AKAP13: variants seen among roughly 807,000 people sequenced by gnomAD.
AKAP13 encodes A-kinase anchoring protein 13.
In AKAP13, 80 loss-of-function variants were observed where a neutral mutation model predicts 264.5. The observed-to-expected ratio is 0.30, with a 90% CI of 0.25 to 0.36. The LOEUF (loss-of-function observed/expected upper bound fraction) is 0.36, where lower values mean the gene tolerates loss of function less well. Among genes scored for constraint, AKAP13 ranks in the 10% least tolerant of loss-of-function variants. AKAP13 has a pLI of 1.00. For missense variants in AKAP13, 3,712 were observed against 3,435.2 expected (o/e 1.08, Z -2.01); for synonymous variants, 1,380 against 1,250.2 (o/e 1.10, Z -2.19).
At chr15:85,658,212 C>A (rs2083187207) in intron 11 of AKAP13, among the ~76,000 whole-genome samples, 3 of 152,060 alleles carry the variant, frequency 2.0e-5, no homozygotes. Context: ...GTAGTATAAC[C>A]TGAATTTTAA....
intron 5 of AKAP13, among the ~76,000 whole-genome samples, chr15:85,561,216 C>T (rs1052977957): frequency 6.6e-6 from 1 of 152,116 alleles, no homozygotes; most frequent in Non-Finnish European, 1.5e-5. Flanking sequence ...CGCCACCACA[C>T]CTGGCTAATT....
chr15:85,393,870 T>C (rs1251295621), intron 1 of AKAP13, among the ~76,000 whole-genome samples: 1 of 152,226 alleles, frequency 6.6e-6, no homozygotes, highest in Non-Finnish European at 1.5e-5. Context: ...TCCATCTTGT[T>C]CTTGGTGTAA....
At chr15:85,390,322 T>C (rs1190046614) in intron 1 of AKAP13, among the ~76,000 whole-genome samples, 1 of 152,092 alleles carries the variant, frequency 6.6e-6, no homozygotes, top group African/African-American at 2.4e-5. Context: ...GACAAGGCCT[T>C]ACTGAGGAGG....
chr15:85,664,385 C>T (rs2083488496), intron 12 of AKAP13, among the ~76,000 whole-genome samples, 178 bp from the exon 13 acceptor site: 1 of 152,080 alleles, frequency 6.6e-6, no homozygotes, highest in African/African-American at 2.4e-5. Context: ...CTCAGTATTC[C>T]AAGATCTGTG....
At chr15:85,506,926 G>T (rs2076242685) in intron 2 of AKAP13, among the ~76,000 whole-genome samples, 1 of 152,270 alleles carries the variant, frequency 6.6e-6, no homozygotes, top group South Asian at 2.1e-4. Flanking sequence ...GTTCAGTTCT[G>T]TGCCTTCGTA....
intron 16 of AKAP13, 165 bp from the exon 17 acceptor site, chr15:85,693,112 T>G: frequency 7.9e-7 from 1 of 1,270,038 alleles, no homozygotes; most frequent in Non-Finnish European, 1.0e-6. Flanking sequence ...TGCCAACGCC[T>G]TAATTTAAAA....
chr15:85,623,667 T>C (rs867162187), intron 8 of AKAP13, among the ~76,000 whole-genome samples: 3 of 152,190 alleles, frequency 2.0e-5, no homozygotes, highest in African/African-American at 7.2e-5. Context: ...AAATATTACC[T>C]CTATTCTGAA....
At chr15:85,737,179 A>C (rs944920570) in intron 33 of AKAP13, among the ~76,000 whole-genome samples, 24 of 151,918 alleles carry the variant, frequency 1.6e-4, no homozygotes, top group African/African-American at 5.1e-4. Context: ...CTGGGCCTCC[A>C]AAAGTGCTGG....
chr15:85,431,158 T>A (rs1342487219), intron 1 of AKAP13, among the ~76,000 whole-genome samples: 1 of 152,196 alleles, frequency 6.6e-6, no homozygotes, highest in Non-Finnish European at 1.5e-5. Flanking sequence ...ACATTCACAG[T>A]GATGGTGTAC....
chr15:85,393,789 T>A (rs968870170), intron 1 of AKAP13, among the ~76,000 whole-genome samples: 4 of 152,214 alleles, frequency 2.6e-5, no homozygotes, highest in Admixed American at 2.6e-4. Context: ...AACTCTAGTT[T>A]TATTATATAT....
intron 4 of AKAP13, chr15:85,535,390 C>T (rs1284043445): frequency 6.6e-6 from 1 of 152,172 alleles, no homozygotes; most frequent in Non-Finnish European, 1.5e-5. Context: ...CAGGTAAAAC[C>T]TGAAAGGAAG....
chr15:85,708,159 A>T lies in AKAP13; in HGVS notation c.5532+73A>T. On this transcript the variant is annotated intron_variant, in intron 18 of 36. Transcript: ENST00000394518. The surrounding 1 kb of genome is among the most constrained non-coding windows in gnomAD (Gnocchi z 4.3). ...CAGCAAAATCCTCGGGAGTTGGGAGAGTTGAGGTTGTGGTGGATTTTGTTT... is the reference window on the plus strand; with the variant it reads ...CAGCAAAATCCTCGGGAGTTGGGAGTGTTGAGGTTGTGGTGGATTTTGTTT... 1 of 1,425,522 alleles carries T rather than the reference A, an allele frequency of 7.0e-7. No individual in the cohort carries two copies. Among genetic ancestry groups the T allele is most frequent in the Non-Finnish European group, 9.7e-7 (1 of 1,027,978 alleles). The allele number at this position is 1,425,522 out of a possible 1,614,324, so 88.3% of individuals were successfully genotyped here. A position where few individuals can be genotyped will look rare whatever the true frequency, so the allele number is the denominator to read the frequency against.
chr15:85,619,644 C>CA (rs1444175780), intron 8 of AKAP13: 1 of 986,524 alleles, frequency 1.0e-6, no homozygotes, highest in Admixed American at 6.1e-5. Context: ...CTCTTCCTGG[C>CA]AAAGTATATA....
chr15:85,535,428 CCTTTT>C (rs1440998532), intron 4 of AKAP13: 1 of 152,134 alleles, frequency 6.6e-6, no homozygotes, highest in African/African-American at 2.4e-5. Context: ...AAGGATTTAT[CCTTTT>C]CTTCTTCTTT....
intron 5 of AKAP13, among the ~76,000 whole-genome samples, chr15:85,552,476 A>C (rs1337927393): frequency 6.6e-6 from 1 of 152,252 alleles, no homozygotes; most frequent in South Asian, 2.1e-4. Context: ...ATAGACATAA[A>C]TAAGGCGCAG....
At chr15:85,470,567 T>TG (rs1297745247) in intron 1 of AKAP13, among the ~76,000 whole-genome samples, 3 of 152,356 alleles carry the variant, frequency 2.0e-5, no homozygotes, top group Non-Finnish European at 4.4e-5. Context: ...ACAAGGTTCT[T>TG]TCAAATTCTT....
intron 25 of AKAP13, 90 bp from the exon 26 acceptor site, chr15:85,722,982 A>G: frequency 6.7e-7 from 1 of 1,503,516 alleles, no homozygotes; most frequent in Non-Finnish European, 9.0e-7. Flanking sequence ...CAAAGGGAAA[A>G]GATGATATGG....
chr15:85,386,070 C>T (rs1001571028), intron 1 of AKAP13, among the ~76,000 whole-genome samples: 1 of 152,208 alleles, frequency 6.6e-6, no homozygotes, highest in Non-Finnish European at 1.5e-5. Flanking sequence ...AGTGATCTGC[C>T]TGCCTCGGCC....
At chr15:85,660,576 A>G (rs1372976636) in intron 12 of AKAP13, among the ~76,000 whole-genome samples, 1 of 152,112 alleles carries the variant, frequency 6.6e-6, no homozygotes, top group Non-Finnish European at 1.5e-5. Flanking sequence ...TCTAAAAAAG[A>G]AGTTGGATAT....
Sources: gnomAD v4.1 joint callset for allele counts (sites outside exome capture counted in the v4.1 genomes callset) on GRCh38, gnomAD v4.1.1 for gene constraint, Gnocchi (gnomAD v3.1) non-coding constraint, MANE v1.5 for transcripts, NCBI Gene and HGNC (gene_info 2026-07-23, HGNC 2026-07-21) for gene names.